The following DCDC2 variants were observed in gnomAD, a reference collection of about 807,000 sequenced individuals.
DCDC2 encodes the protein doublecortin domain containing 2, also known as doublecortin domain-containing protein 2.
A neutral mutation model predicts 50.2 loss-of-function variants in DCDC2; 40 were observed. The observed-to-expected ratio is 0.80, with a 90% CI of 0.62 to 1.04. The LOEUF (loss-of-function observed/expected upper bound fraction) is 1.04. Among genes scored for constraint, DCDC2 ranks in the 50% least tolerant of loss-of-function variants. DCDC2 has a pLI of 0.00. For missense variants in DCDC2, 570 were observed against 581.9 expected (o/e 0.98, Z 0.21); for synonymous variants, 234 against 210.6 (o/e 1.11, Z -0.96).
chr6:24,260,586 T>C (rs1249495955), intron 7 of DCDC2, among the ~76,000 whole-genome samples: 5 of 152,218 alleles, frequency 3.3e-5, no homozygotes, highest in Non-Finnish European at 7.3e-5. Flanking sequence ...AGCTGCCTTA[T>C]ATCCATCTAG....
chr6:24,346,979 G>T lies in DCDC2; in HGVS notation c.348+6590C>A, dbSNP rs1171352992. 2.6e-5 allele frequency among the ~76,000 whole-genome samples: 4 copies of T among 152,122 alleles called. No homozygotes were observed. In the South Asian group the frequency reaches 8.3e-4, roughly 32 times the overall value. On this transcript the variant is annotated intron_variant, in intron 2 of 9. Transcript: ENST00000378454. The stretch of plus-strand genomic sequence containing the variant: ...GTGGAATTCACATGTATCTTGGGAA[G>T]AAAAAGGCTAAGCAATGGAGATTCA...
chr6:24,352,272 T>G (rs1441416848), intron 2 of DCDC2, among the ~76,000 whole-genome samples: 1 of 152,220 alleles, frequency 6.6e-6, no homozygotes, highest in Non-Finnish European at 1.5e-5. Context: ...AAGTCCAGGT[T>G]TCTTCACCAA....
chr6:24,207,082 A>G (rs1470397462), intron 7 of DCDC2, among the ~76,000 whole-genome samples: 2 of 152,230 alleles, frequency 1.3e-5, no homozygotes, highest in East Asian at 1.9e-4. Context: ...TAAAGGCAGA[A>G]TATTAATTTT....
intron 2 of DCDC2, among the ~76,000 whole-genome samples, chr6:24,336,893 T>C (rs1209239472): frequency 6.6e-6 from 1 of 152,162 alleles, no homozygotes; most frequent in Non-Finnish European, 1.5e-5. Context: ...GCTAAACACA[T>C]ACCTATATGT....
chr6:24,281,761 G>A (rs1311970363), intron 6 of DCDC2, among the ~76,000 whole-genome samples: 1 of 152,078 alleles, frequency 6.6e-6, no homozygotes, highest in Non-Finnish European at 1.5e-5. Flanking sequence ...CAGAGCATAA[G>A]AGATAGGGGA....
the DCDC2 span, among the ~76,000 whole-genome samples, chr6:24,373,429 A>C: frequency 6.6e-6 from 1 of 152,268 alleles, no homozygotes; most frequent in Non-Finnish European, 1.5e-5. Context: ...GCATGCGTCA[A>C]CATGGAAGAC....
intron 2 of DCDC2, among the ~76,000 whole-genome samples, chr6:24,318,944 T>C (rs1000102279): frequency 1.3e-5 from 2 of 152,142 alleles, no homozygotes; most frequent in African/African-American, 4.8e-5. Context: ...TCTGGGTAGA[T>C]ACCCAGTAGT....
chr6:24,256,275 T>TG (rs35410607), intron 7 of DCDC2, among the ~76,000 whole-genome samples: 5,098 of 39,240 alleles, frequency 0.13, 238 homozygotes, highest in African/African-American at 0.17. Context: ...ATGCTGGACA[T>TG]TTTTTTTTTT....
intron 7 of DCDC2, among the ~76,000 whole-genome samples, chr6:24,255,855 G>C (rs186370075): frequency 1.7e-3 from 254 of 152,232 alleles, no homozygotes; most frequent in Non-Finnish European, 2.9e-3. Context: ...GTGTTTGTCA[G>C]TATCTACTGA....
At chr6:24,369,958 C>T in the DCDC2 span, among the ~76,000 whole-genome samples, 1 of 152,062 alleles carries the variant, frequency 6.6e-6, no homozygotes, top group Non-Finnish European at 1.5e-5. Flanking sequence ...GGGAGGATCT[C>T]TTGAGCAGGG....
chr6:24,372,594 T>G, the DCDC2 span, among the ~76,000 whole-genome samples: 1 of 152,072 alleles, frequency 6.6e-6, no homozygotes, highest in Non-Finnish European at 1.5e-5. Context: ...CCATAAAAAA[T>G]GATGAGTTCA....
intron 7 of DCDC2, among the ~76,000 whole-genome samples, chr6:24,210,379 C>A (rs1368109866): frequency 2.6e-5 from 4 of 152,190 alleles, no homozygotes; most frequent in Non-Finnish European, 5.9e-5. Flanking sequence ...TCAACCTTAA[C>A]ATGGTCAAAA....
chr6:24,207,417 CAT>C (rs1761744893), intron 7 of DCDC2, among the ~76,000 whole-genome samples: 1 of 152,068 alleles, frequency 6.6e-6, no homozygotes, highest in African/African-American at 2.4e-5. Flanking sequence ...TACTTGAAAA[CAT>C]AATAAATAGC....
At chr6:24,230,616 C>A (rs1394194084) in intron 7 of DCDC2, among the ~76,000 whole-genome samples, 2 of 152,122 alleles carry the variant, frequency 1.3e-5, no homozygotes, top group East Asian at 3.9e-4. Context: ...TGTACTCCAG[C>A]CTGGGCAATA....
the DCDC2 span, among the ~76,000 whole-genome samples, chr6:24,369,370 A>G: frequency 6.6e-6 from 1 of 152,086 alleles, no homozygotes; most frequent in South Asian, 2.1e-4. Context: ...GCACTTTGAG[A>G]GGCTGAGGCA....
chr6:24,278,052 T>C lies in DCDC2; in HGVS notation c.919A>G (p.Ser307Gly). The change falls in exon 7 of 10, where the codon AGT becomes GGT. Residue 307 changes from serine (S) to glycine (G), a missense_variant. Coordinates refer to ENST00000378454, the MANE Select transcript of DCDC2 (RefSeq NM_016356.5). ...AAGATAATAATAACACACTTACCAC[T>C]ATTTGGAATGGTTTCTTGTGAATTC... Reference protein sequence around the residue: ...LKNSQETIPNSDEGIFKAGAE... With the variant: ...LKNSQETIPNGDEGIFKAGAE... 1 of 1,608,652 alleles carries C rather than the reference T, an allele frequency of 6.2e-7. No homozygotes were observed. Among genetic ancestry groups the C allele is most frequent in the South Asian group, 1.1e-5 (1 of 90,414 alleles).
intron 1 of DCDC2, among the ~76,000 whole-genome samples, chr6:24,354,064 A>G (rs948679032): frequency 6.6e-6 from 1 of 152,194 alleles, no homozygotes; most frequent in African/African-American, 2.4e-5. Context: ...TATTGTCTCT[A>G]TGAGAGCACC....
chr6:24,358,960 A>T (rs1311927352), upstream of DCDC2, among the ~76,000 whole-genome samples: 2 of 73,434 alleles, frequency 2.7e-5, no homozygotes, highest in Non-Finnish European at 4.5e-5. Context: ...ATTATATATT[A>T]TATATTATAT....
chr6:24,375,636 A>G, the DCDC2 span, among the ~76,000 whole-genome samples: 378 of 152,266 alleles, frequency 2.5e-3, 3 homozygotes, highest in African/African-American at 8.7e-3. Context: ...ACTCCATAGA[A>G]ATTAGCCTCT....
Sources: gnomAD v4.1 joint callset for allele counts (sites outside exome capture counted in the v4.1 genomes callset) on GRCh38, gnomAD v4.1.1 for gene constraint, MANE v1.5 for transcripts, NCBI Gene and HGNC (gene_info 2026-07-23, HGNC 2026-07-21) for gene names.